Variants in EIF2B3 observed in about 807,000 individuals in gnomAD.
EIF2B3 encodes translation initiation factor eIF2B subunit gamma.
In EIF2B3, 20 loss-of-function variants were observed where a neutral mutation model predicts 54.1. That is an observed-to-expected ratio of 0.37 (90% CI 0.26 to 0.54). The LOEUF (loss-of-function observed/expected upper bound fraction) is 0.54. Among genes scored for constraint, EIF2B3 ranks in the 20% least tolerant of loss-of-function variants. The pLI, the probability that EIF2B3 is intolerant of heterozygous loss-of-function variation, is 0.86. For missense variants in EIF2B3, 448 were observed against 547.8 expected (o/e 0.82, Z 1.82); for synonymous variants, 153 against 188.1 (o/e 0.81, Z 1.52).
rs765224340 is a variant in EIF2B3, at chr1:44,852,114, A to ATT, written c.1307-1112_1307-1111insAA. 5.4e-4 allele frequency among the ~76,000 whole-genome samples: 79 copies of ATT among 146,324 alleles called. 3 individuals are homozygous for ATT. In the East Asian group the frequency reaches 8.9e-3, roughly 17 times the overall value. ...CAGGCATATGACGCCACACATGGCT[A>ATT]ATTTTTTTTTTTTTTTTTTTTGTAT... On this transcript the variant is annotated intron_variant, in intron 11 of 11. Transcript: ENST00000360403.
At chr1:44,927,373 A>G (rs1400149660) in intron 4 of EIF2B3, among the ~76,000 whole-genome samples, 1 of 152,102 alleles carries the variant, frequency 6.6e-6, no homozygotes, top group Non-Finnish European at 1.5e-5. Context: ...TCACATGGCA[A>G]GAGAGGGAAT....
intron 3 of EIF2B3, among the ~76,000 whole-genome samples, chr1:44,957,662 G>C (rs1416730715): frequency 6.6e-6 from 1 of 152,150 alleles, no homozygotes; most frequent in East Asian, 1.9e-4. Context: ...TTTGGAGGCT[G>C]AGGCAGGATA....
intron 3 of EIF2B3, among the ~76,000 whole-genome samples, chr1:44,953,460 C>T (rs967361555): frequency 1.2e-4 from 19 of 152,134 alleles, no homozygotes; most frequent in African/African-American, 4.3e-4. Context: ...ATCACTGAAC[C>T]TAACTTGCCA....
intron 5 of EIF2B3, among the ~76,000 whole-genome samples, chr1:44,922,325 G>A (rs970299356): frequency 6.6e-6 from 1 of 151,216 alleles, no homozygotes; most frequent in African/African-American, 2.4e-5. Context: ...GGTGGCTCAC[G>A]CCTGTAATCT....
intron 10 of EIF2B3, among the ~76,000 whole-genome samples, chr1:44,858,711 C>T (rs917354794): frequency 3.9e-5 from 6 of 152,076 alleles, no homozygotes; most frequent in Admixed American, 3.3e-4. Flanking sequence ...GTGATCCACC[C>T]GCCTTGGCTT....
At chr1:44,864,722 GGGTGACACA>G (rs1490503498) in intron 10 of EIF2B3, among the ~76,000 whole-genome samples, 1 of 152,150 alleles carries the variant, frequency 6.6e-6, no homozygotes, top group Non-Finnish European at 1.5e-5. Context: ...GAGGGTTCAT[GGGTGACACA>G]GGTCCTGAGC....
chr1:44,926,598 A>C (rs762904394), intron 5 of EIF2B3, 30 bp downstream of exon 5: 1 of 1,575,204 alleles, frequency 6.3e-7, no homozygotes, highest in Admixed American at 1.7e-5. Context: ...GACAAGGAGA[A>C]TTGCCAGAAG....
At chr1:44,978,093 C>T (rs1436284567) in intron 3 of EIF2B3, among the ~76,000 whole-genome samples, 9 of 152,114 alleles carry the variant, frequency 5.9e-5, no homozygotes, top group African/African-American at 1.4e-4. Context: ...TAGCCAGGCA[C>T]GGTGGCGTAT....
chr1:44,956,525 C>T (rs1644227888), intron 3 of EIF2B3, among the ~76,000 whole-genome samples: 2 of 151,560 alleles, frequency 1.3e-5, no homozygotes, highest in Non-Finnish European at 2.9e-5. Context: ...TAATAAGGAG[C>T]TTTAACACAC....
At chr1:44,937,723 A>G (rs1009241588) in intron 4 of EIF2B3, among the ~76,000 whole-genome samples, 2 of 151,848 alleles carry the variant, frequency 1.3e-5, no homozygotes, top group African/African-American at 4.8e-5. Context: ...CTCTACTAAA[A>G]AACACAAAAA....
At chr1:44,937,161 C>G (rs530175418) in intron 4 of EIF2B3, 3 of 152,200 alleles carry the variant, frequency 2.0e-5, no homozygotes, top group Non-Finnish European at 2.9e-5. Flanking sequence ...TACAAGCTCA[C>G]GCGCTCTTGT....
chr1:44,906,588 C>T (rs1449808264), intron 5 of EIF2B3, among the ~76,000 whole-genome samples: 1 of 152,090 alleles, frequency 6.6e-6, no homozygotes, highest in African/African-American at 2.4e-5. Context: ...TTAGTAGAGA[C>T]AGGGTTTCAT....
intron 5 of EIF2B3, among the ~76,000 whole-genome samples, chr1:44,912,586 C>T (rs367711132): frequency 1.3e-5 from 2 of 152,140 alleles, no homozygotes; most frequent in Admixed American, 6.6e-5. Context: ...GTGGCATTCT[C>T]GGCATATAGG....
intron 3 of EIF2B3, chr1:44,958,763 AG>A: frequency 6.6e-7 from 1 of 1,522,680 alleles, no homozygotes; most frequent in Non-Finnish European, 9.1e-7. Flanking sequence ...TCAATCCATC[AG>A]AGAAATATAA....
In EIF2B3 at chr1:44,876,193, C is replaced by G. The variant is rs552794732; in HGVS notation, c.976-498G>C. 8.2e-3 allele frequency among the ~76,000 whole-genome samples: 1,242 copies of G among 152,106 alleles called. 12 individuals are homozygous for G. The highest frequency in any genetic ancestry group is 0.023 in the African/African-American group (942 of 41,510). The stretch of plus-strand genomic sequence containing the variant: ...AAGAGCTGAGATTGCAGCCTCTGCC[C>G]GGCCGCCACACCGTCTGGGAAGTGA... On this transcript the variant is annotated intron_variant, in intron 8 of 11. Coordinates refer to ENST00000360403, the MANE Select transcript of EIF2B3 (RefSeq NM_020365.5).
intron 8 of EIF2B3, among the ~76,000 whole-genome samples, 155 bp downstream of exon 8, chr1:44,879,663 A>G (rs1225974899): frequency 6.6e-6 from 1 of 152,080 alleles, no homozygotes; most frequent in African/African-American, 2.4e-5. Flanking sequence ...GCACCTGAGT[A>G]CCCTAGTAGT....
chr1:44,970,617 TAG>T (rs1483035057), intron 3 of EIF2B3, among the ~76,000 whole-genome samples: 3 of 152,212 alleles, frequency 2.0e-5, no homozygotes, highest in Admixed American at 6.5e-5. Flanking sequence ...CTTTCTCCTT[TAG>T]AGAGATAACC....
chr1:44,952,556 AT>A (rs34153088), intron 3 of EIF2B3, among the ~76,000 whole-genome samples: 31,844 of 141,322 alleles, frequency 0.23, 3,692 homozygotes, highest in African/African-American at 0.38. Context: ...CTTTTCTCCA[AT>A]TTTTTTTTTT....
At chr1:44,857,571 G>A in intron 11 of EIF2B3, 133 bp downstream of exon 11, 1 of 832,528 alleles carries the variant, frequency 1.2e-6, no homozygotes, top group Non-Finnish European at 2.0e-6. Context: ...GCTCTCCAAA[G>A]ATGGCTTTAT....
Sources: allele counts gnomAD v4.1 joint callset (sites outside exome capture counted in the v4.1 genomes callset), GRCh38; gene constraint gnomAD v4.1.1; transcripts MANE v1.5; gene names NCBI Gene and HGNC (gene_info 2026-07-23, HGNC 2026-07-21).